The following C2CD5 variants were observed in gnomAD, a reference collection of about 807,000 sequenced individuals.
C2CD5 encodes C2 domain-containing protein 5.
A neutral mutation model predicts 130.3 loss-of-function variants in C2CD5; 109 were observed. The observed-to-expected ratio is 0.84, with a 90% CI of 0.72 to 0.98. The LOEUF is 0.98. Ranked by LOEUF, C2CD5 falls within the 50% of genes least tolerant of loss-of-function variation. The probability of loss-of-function intolerance (pLI) is 0.00; values close to 1 mark genes in which losing one functional copy is unlikely to be tolerated. For synonymous variants in C2CD5, 454 were observed against 429.2 expected, an observed-to-expected ratio of 1.06 and a Z score of -0.71; for missense variants, 996 against 1,261.8, an observed-to-expected ratio of 0.79 and a Z score of 3.19.
In C2CD5 at chr12:22,544,386, G is replaced by A. The variant is rs143999993; in HGVS notation, c.-96C>T. 2,699 of 422,956 alleles carry A rather than the reference G, an allele frequency of 6.4e-3. 17 individuals carry two copies. The highest frequency in any genetic ancestry group is 9.2e-3 in the Non-Finnish European group (2,199 of 239,058). 26.2% of individuals were successfully genotyped at this position (422,956 alleles called of 1,614,324 possible). A position where few individuals can be genotyped will look rare whatever the true frequency, so the allele number is the denominator to read the frequency against. ...CCTCATTCCGGAGAGGCGGCGGGAGGAAGGGCTTTGATGGGTTCTTCCGTC... is the reference window on the plus strand; with the variant it reads ...CCTCATTCCGGAGAGGCGGCGGGAGAAAGGGCTTTGATGGGTTCTTCCGTC... On this transcript the variant is annotated 5_prime_UTR_variant, in exon 1 of 27. Transcript: ENST00000446597.
rs1565626970 is a variant in C2CD5, at chr12:22,449,873, C to T, written c.3043G>A (p.Val1015Ile). The T allele has an allele frequency of 6.2e-7, 1 of 1,609,784 alleles. No homozygotes were observed. Among genetic ancestry groups the T allele is most frequent in the Non-Finnish European group, 8.5e-7 (1 of 1,176,662 alleles). The change falls in exon 27 of 27, where the codon GTA (valine) becomes ATA (isoleucine). Residue 1015 changes from valine (V) to isoleucine (I), a missense_variant. Physicochemically the swap from Val to Ile is conservative, Grantham distance 29. Coordinates refer to ENST00000446597, the MANE Select transcript of C2CD5 (RefSeq NM_001286176.2). The part of the protein sequence containing the change: ...NKNQAQCLIN[V>I]SGDAVVFVRE... ...ACAAAAACCACTGCATCACCACTTA[C>T]ATTTATAAGACACTGTGCCTATAAG...
chr12:22,486,658 G>A (rs1945568761), intron 12 of C2CD5, among the ~76,000 whole-genome samples: 1 of 152,084 alleles, frequency 6.6e-6, no homozygotes, highest in African/African-American at 2.4e-5. Context: ...AATGGCTGAT[G>A]ATTTTAGAAT....
At chr12:22,533,525 G>A (rs1951517973) in intron 3 of C2CD5, among the ~76,000 whole-genome samples, 1 of 152,164 alleles carries the variant, frequency 6.6e-6, no homozygotes, top group South Asian at 2.1e-4. Flanking sequence ...AACAGATGTA[G>A]AGAGAAAGAG....
intron 7 of C2CD5, among the ~76,000 whole-genome samples, chr12:22,518,673 C>T (rs931255898): frequency 2.0e-5 from 3 of 152,176 alleles, no homozygotes; most frequent in African/African-American, 7.2e-5. Context: ...TACCTGTTCT[C>T]CAATAGCTCT....
At chr12:22,465,997 A>C (rs1942010373) in intron 22 of C2CD5, among the ~76,000 whole-genome samples, 1 of 152,108 alleles carries the variant, frequency 6.6e-6, no homozygotes, top group Admixed American at 6.5e-5. Flanking sequence ...CAAATATAAT[A>C]AACGATGGAA....
intron 2 of C2CD5, among the ~76,000 whole-genome samples, chr12:22,536,882 A>C (rs1352268266): frequency 1.3e-5 from 2 of 152,260 alleles, no homozygotes; most frequent in Admixed American, 6.5e-5. Context: ...AATGAAACTT[A>C]ATGAGGAAAA....
At chr12:22,541,829 T>C (rs954558921) in intron 2 of C2CD5, among the ~76,000 whole-genome samples, 5 of 152,264 alleles carry the variant, frequency 3.3e-5, no homozygotes, top group Middle Eastern at 6.8e-3. Flanking sequence ...TAAACATCTG[T>C]CTCTCCCACT....
intron 10 of C2CD5, among the ~76,000 whole-genome samples, chr12:22,495,518 C>T (rs976557372): frequency 6.6e-6 from 1 of 151,560 alleles, no homozygotes; most frequent in African/African-American, 2.4e-5. Flanking sequence ...AATAATTAAA[C>T]CAAACACTAT....
chr12:22,473,460 T>G (rs1364541898), intron 16 of C2CD5, among the ~76,000 whole-genome samples: 1 of 152,112 alleles, frequency 6.6e-6, no homozygotes. Flanking sequence ...CCTCAACCCA[T>G]TATTCCCCAA....
intron 2 of C2CD5, among the ~76,000 whole-genome samples, chr12:22,538,980 T>A (rs778399113): frequency 3.2e-4 from 49 of 152,338 alleles, no homozygotes; most frequent in Admixed American, 6.5e-4. Context: ...TTTTCCCCTT[T>A]CTACTGGATT....
chr12:22,506,228 T>C (rs889862424), intron 10 of C2CD5, among the ~76,000 whole-genome samples: 6 of 152,194 alleles, frequency 3.9e-5, no homozygotes, highest in African/African-American at 1.4e-4. Flanking sequence ...CTGGCTATGT[T>C]GCCCTGGGCT....
intron 2 of C2CD5, among the ~76,000 whole-genome samples, chr12:22,541,589 A>C (rs143978941): frequency 6.6e-6 from 1 of 152,118 alleles, no homozygotes; most frequent in African/African-American, 2.4e-5. Context: ...TCTACATGAG[A>C]TCTCCGGGTT....
At chr12:22,535,886 T>C (rs1951773398) in intron 2 of C2CD5, among the ~76,000 whole-genome samples, 1 of 152,196 alleles carries the variant, frequency 6.6e-6, no homozygotes, top group African/African-American at 2.4e-5. Flanking sequence ...AAATTTTAAA[T>C]GCCTTAAATC....
chr12:22,469,088 A>G (rs1164780397), intron 22 of C2CD5, among the ~76,000 whole-genome samples: 2 of 152,176 alleles, frequency 1.3e-5, no homozygotes, highest in Non-Finnish European at 2.9e-5. Context: ...AGAAATGGAA[A>G]ACAATACCTC....
chr12:22,503,908 G>A (rs558081443), intron 10 of C2CD5, among the ~76,000 whole-genome samples: 3 of 152,170 alleles, frequency 2.0e-5, no homozygotes, highest in East Asian at 1.9e-4. Context: ...TAACTCATAC[G>A]CCATTGAAAG....
chr12:22,532,765 T>C (rs1000604323), intron 3 of C2CD5, among the ~76,000 whole-genome samples: 3 of 152,164 alleles, frequency 2.0e-5, no homozygotes, highest in African/African-American at 7.2e-5. Flanking sequence ...CTTCCCTTGT[T>C]CTCTTTCACT....
In C2CD5 at chr12:22,471,377, T is replaced by TA. The variant is rs1291568170; in HGVS notation, c.2358+21dup. On this transcript the variant is annotated intron_variant, in intron 20 of 26. Transcript: ENST00000446597. Reference sequence around the variant, plus strand: ...ATAAAACAGATCAGATAAAGACTAATAATGGACTAAATCTTAATTACCTGA... The same window carrying TA: ...ATAAAACAGATCAGATAAAGACTAATAAATGGACTAAATCTTAATTACCTGA... 6 of 1,216,538 alleles carry TA rather than the reference T, an allele frequency of 4.9e-6. No homozygotes were observed. In the South Asian group the frequency reaches 7.5e-5, roughly 15 times the overall value. 75.4% of individuals were successfully genotyped at this position (1,216,538 alleles called of 1,614,324 possible).
At chr12:22,519,204 C>T (rs867922948) in intron 7 of C2CD5, 20 of 1,535,514 alleles carry the variant, frequency 1.3e-5, no homozygotes, top group African/African-American at 6.9e-5. Flanking sequence ...GTGAGTCGAG[C>T]GGCATCCATG....
At chr12:22,535,040 T>A (rs1951691468) in intron 3 of C2CD5, 3 of 394,858 alleles carry the variant, frequency 7.6e-6, no homozygotes, top group Non-Finnish European at 1.4e-5. Flanking sequence ...ATATAATACA[T>A]CTGAAGACTT....
Sources: allele counts gnomAD v4.1 joint callset (sites outside exome capture counted in the v4.1 genomes callset), GRCh38; gene constraint gnomAD v4.1.1; transcripts MANE v1.5; gene names NCBI Gene and HGNC (gene_info 2026-07-23, HGNC 2026-07-21).